GRIN2A: variants seen among roughly 807,000 people sequenced by gnomAD.
GRIN2A encodes glutamate ionotropic receptor NMDA type subunit 2A.
A neutral mutation model predicts 113.4 loss-of-function variants in GRIN2A; 22 were observed. The observed-to-expected ratio is 0.19, with a 90% CI of 0.14 to 0.28. GRIN2A has a LOEUF of 0.28. Ranked by LOEUF, GRIN2A falls within the 10% of genes least tolerant of loss-of-function variation. The pLI is 1.00. For missense variants in GRIN2A, 1,502 were observed against 1,887.0 expected (o/e 0.80, Z 3.78); for synonymous variants, 827 against 738.4 (o/e 1.12, Z -1.94).
At chr16:9,902,095 C>G (rs1012902233) in intron 3 of GRIN2A, among the ~76,000 whole-genome samples, 13 of 144,924 alleles carry the variant, frequency 9.0e-5, no homozygotes, top group African/African-American at 3.5e-4. Context: ...CAAGAGACTT[C>G]TGGTTGTTCA....
chr16:10,074,059 G>A (rs2047818897), intron 2 of GRIN2A, among the ~76,000 whole-genome samples: 1 of 152,104 alleles, frequency 6.6e-6, no homozygotes, highest in South Asian at 2.1e-4. Flanking sequence ...TTTTAAAAAA[G>A]GCAAAGGGTC....
In GRIN2A at chr16:10,114,834, C is replaced by T. The variant is rs1453977405; in HGVS notation, c.414+65164G>A. ...TGCTTCATTTAATGGGGCAAAGTCA[C>T]GCCCCCGATGTGCCAGGTCTGCATG... is the stretch of plus-strand genomic sequence containing the variant. On this transcript the variant is annotated intron_variant, in intron 2 of 12. Transcript: ENST00000330684. Among the ~76,000 whole-genome samples, 24 of 152,316 alleles carry T rather than the reference C, an allele frequency of 1.6e-4. No homozygotes were observed. In the South Asian group the frequency reaches 2.1e-3, roughly 13 times the overall value.
intron 2 of GRIN2A, among the ~76,000 whole-genome samples, chr16:10,105,205 A>C (rs2048474344): frequency 6.6e-6 from 1 of 152,114 alleles, no homozygotes; most frequent in Non-Finnish European, 1.5e-5. Flanking sequence ...CAAAAAGCCT[A>C]AGGATCCTCA....
In GRIN2A at chr16:9,764,298, G is replaced by C. The variant is rs143039009; in HGVS notation, c.3246C>G (p.Thr1082=). 1.7e-5 allele frequency: 27 copies of C among 1,614,060 alleles called. No homozygotes were observed. In the African/African-American group the frequency reaches 3.6e-4, roughly 22 times the overall value. Residue 1082 remains threonine (T), a synonymous_variant, in exon 13 of 13, where the codon ACC becomes ACG. Coordinates refer to ENST00000330684, the MANE Select transcript of GRIN2A (RefSeq NM_001134407.3). ...REPDNSKNHK[T]KDNFKRSVAS... ...CCACTGACCTTTTAAAGTTGTCCTT[G>C]GTTTTGTGGTTCTTACTGTTGTCAG...
intron 3 of GRIN2A, among the ~76,000 whole-genome samples, chr16:9,895,122 A>T (rs2043777876): frequency 6.6e-6 from 1 of 152,252 alleles, no homozygotes; most frequent in African/African-American, 2.4e-5. Flanking sequence ...GGGGAGAGGG[A>T]CACACAAAAT....
intron 2 of GRIN2A, among the ~76,000 whole-genome samples, chr16:10,075,897 GTT>G (rs1470992806): frequency 6.6e-6 from 1 of 152,116 alleles, no homozygotes; most frequent in Non-Finnish European, 1.5e-5. Context: ...TACAACTAGT[GTT>G]TATAACTCTG....
At chr16:10,035,707 T>G (rs1178796492) in intron 2 of GRIN2A, among the ~76,000 whole-genome samples, 2 of 148,260 alleles carry the variant, frequency 1.3e-5, no homozygotes, top group African/African-American at 5.0e-5. Flanking sequence ...TGAGAACCAC[T>G]GCACTGGATG....
At position 9,764,580 on chromosome 16, in the gene GRIN2A, G is replaced by A. The variant is rs1900792230; in HGVS notation, c.2964C>T (p.Leu988=). ...CCACCGTGTTAGGGTTGGACTCATT[G>A]AGAGTAAGAGGATGTTGTCCCTGGA... ...YVFQGQHPLT[L]NESNPNTVEV... Residue 988 remains leucine, a synonymous_variant, in exon 13 of 13, where the codon CTC becomes CTT. Coordinates refer to ENST00000330684, the MANE Select transcript of GRIN2A (RefSeq NM_001134407.3). 6.2e-7 allele frequency: 1 copy of A among 1,613,852 alleles called. No individual in the cohort carries two copies. The highest frequency in any genetic ancestry group is 1.7e-5 in the Admixed American group (1 of 60,016).
rs530823546 is a variant in GRIN2A at position 10,140,809 on chromosome 16, A to G, written c.414+39189T>C. ...TGGACTCTGCACTCTGTTTCCCCTA[A>G]GTCACTTAACTGACAGAATAAAGAT... On this transcript the variant is annotated intron_variant, in intron 2 of 12. Transcript: ENST00000330684. Among the ~76,000 whole-genome samples, 3 of 152,300 alleles carry G rather than the reference A, an allele frequency of 2.0e-5. No individual in the cohort carries two copies. The South Asian group carries it at 6.2e-4, about 32-fold the overall frequency.
Position 9,762,333 on chromosome 16 carries a change from T to C in GRIN2A, c.*816A>G, listed in dbSNP as rs915387107. ...TGGCCACTGTGTCACAGACAGAAGA[T>C]CCACACTTAGATCTCGGAGACATAA... On this transcript the variant is annotated 3_prime_UTR_variant, in exon 13 of 13. Coordinates refer to ENST00000330684, the MANE Select transcript of GRIN2A (RefSeq NM_001134407.3). 1 of 226,966 alleles carries C rather than the reference T, an allele frequency of 4.4e-6. No homozygotes were observed. The highest frequency in any genetic ancestry group is 8.8e-6 in the Non-Finnish European group (1 of 113,834). 14.1% of individuals were successfully genotyped at this position (226,966 alleles called of 1,614,324 possible). A position where few individuals can be genotyped will look rare whatever the true frequency, so the allele number is the denominator to read the frequency against.
At chr16:10,073,582 G>A (rs1404254838) in intron 2 of GRIN2A, among the ~76,000 whole-genome samples, 3 of 151,908 alleles carry the variant, frequency 2.0e-5, no homozygotes, top group Admixed American at 6.6e-5. Flanking sequence ...GATGTGTGAG[G>A]GTCAAAAAAG....
intron 2 of GRIN2A, among the ~76,000 whole-genome samples, chr16:10,007,567 GC>G (rs1391747167): frequency 6.6e-6 from 1 of 152,042 alleles, no homozygotes; most frequent in Non-Finnish European, 1.5e-5. Flanking sequence ...AATATTTTCT[GC>G]CATTCTTTGG....
intron 4 of GRIN2A, among the ~76,000 whole-genome samples, chr16:9,859,200 C>A (rs1325652927): frequency 2.0e-5 from 3 of 152,130 alleles, no homozygotes; most frequent in African/African-American, 7.2e-5. Flanking sequence ...CTAACACACA[C>A]ACACATCTGC....
intron 3 of GRIN2A, among the ~76,000 whole-genome samples, chr16:9,933,845 G>C (rs1342270809): frequency 6.6e-6 from 1 of 152,234 alleles, no homozygotes; most frequent in African/African-American, 2.4e-5. Flanking sequence ...TATCTTCATA[G>C]AGGGATTTTG....
intron 11 of GRIN2A, among the ~76,000 whole-genome samples, chr16:9,771,750 T>C (rs1177952710): frequency 6.6e-6 from 1 of 152,212 alleles, no homozygotes; most frequent in Non-Finnish European, 1.5e-5. Context: ...AGAGAGTTTC[T>C]GGGTTTGCTT....
intron 2 of GRIN2A, among the ~76,000 whole-genome samples, chr16:9,986,484 G>A (rs1293722896): frequency 6.6e-6 from 1 of 152,102 alleles, no homozygotes; most frequent in Non-Finnish European, 1.5e-5. Flanking sequence ...AATAAAATGG[G>A]CCGAGTGCGG....
intron 2 of GRIN2A, among the ~76,000 whole-genome samples, chr16:10,147,013 C>T (rs1045118335): frequency 1.4e-4 from 21 of 152,114 alleles, no homozygotes; most frequent in African/African-American, 4.8e-4. Context: ...GGAGACCTGC[C>T]TTGCTTTTCC....
At chr16:9,804,183 G>A (rs930352524) in intron 10 of GRIN2A, among the ~76,000 whole-genome samples, 32 of 152,174 alleles carry the variant, frequency 2.1e-4, no homozygotes, top group East Asian at 1.9e-3. Context: ...ACGGAAGCCC[G>A]CCATATTTCA....
At chr16:10,038,847 C>CAAAA (rs137915448) in intron 2 of GRIN2A, among the ~76,000 whole-genome samples, 1 of 126,830 alleles carries the variant, frequency 7.9e-6, no homozygotes, top group African/African-American at 3.0e-5. Context: ...GACTCCTTCT[C>CAAAA]AAAAAAAAAA....
Sources: allele counts gnomAD v4.1 joint callset (sites outside exome capture counted in the v4.1 genomes callset), GRCh38; gene constraint gnomAD v4.1.1; transcripts MANE v1.5; gene names NCBI Gene and HGNC (gene_info 2026-07-23, HGNC 2026-07-21).